The following PSMD3 variants were observed in gnomAD, a reference collection of about 807,000 sequenced individuals.
PSMD3 encodes proteasome 26S subunit, non-ATPase 3.
PSMD3 carries 5 observed loss-of-function variants against 62.8 expected under a neutral mutation model. That is an observed-to-expected ratio of 0.08 (90% CI 0.04 to 0.17). The LOEUF (loss-of-function observed/expected upper bound fraction) is 0.17. PSMD3 is among the 10% of genes least tolerant of loss of function. PSMD3 has a pLI of 1.00. For missense variants in PSMD3, 524 were observed against 713.6 expected, an observed-to-expected ratio of 0.73 and a Z score of 3.03; for synonymous variants, 265 against 283.9, an observed-to-expected ratio of 0.93 and a Z score of 0.67.
intron 2 of PSMD3, among the ~76,000 whole-genome samples, chr17:39,985,465 C>T (rs187699127): frequency 2.6e-5 from 4 of 152,336 alleles, no homozygotes; most frequent in South Asian, 2.1e-4. Context: ...GTGGCGCCTC[C>T]GTGCCAGGAG....
intron 10 of PSMD3, among the ~76,000 whole-genome samples, 192 bp from the exon 11 acceptor site, chr17:39,997,135 CTCT>C (rs1980802990): frequency 6.6e-6 from 1 of 152,276 alleles, no homozygotes; most frequent in Middle Eastern, 3.4e-3. Flanking sequence ...TCGTTTATTC[CTCT>C]TTTTTCAGCA....
chr17:39,984,469 C>T lies in PSMD3; in HGVS notation c.396C>T (p.Leu132=), dbSNP rs746069887. ...ATAATGCCACTCGAGACTTTTTGCT[C>T]CCCTTCCTGGAAGAGGTGAGTGAGT... The part of the protein sequence containing the change: ...TSNNATRDFL[L]PFLEEPMDTE... The change falls in exon 2 of 12, where the codon CTC becomes CTT. Residue 132 remains leucine, a synonymous_variant. Transcript: ENST00000264639. 1.2e-6 allele frequency: 2 copies of T among 1,611,672 alleles called. No homozygotes were observed. The highest frequency in any genetic ancestry group is 1.7e-6 in the Non-Finnish European group (2 of 1,178,720).
At chr17:39,987,995 T>C (rs1980565918) in intron 3 of PSMD3, among the ~76,000 whole-genome samples, 1 of 152,174 alleles carries the variant, frequency 6.6e-6, no homozygotes, top group Non-Finnish European at 1.5e-5. Context: ...TAGACCCAGC[T>C]ACTCAGAAGG....
chr17:39,980,846 T>A lies in PSMD3; in HGVS notation c.-125T>A. 1.1e-6 allele frequency: 1 copy of A among 882,486 alleles called. No homozygotes were observed. Among genetic ancestry groups the A allele is most frequent in the Non-Finnish European group, 1.6e-6 (1 of 610,338 alleles). The allele number at this position is 882,486 out of a possible 1,614,324, so 54.7% of individuals were successfully genotyped here. ...CGGGAAGGGGTTTGCAGCTGCTCCG[T>A]CATCGTGCGGCCCGACGCTATCTCG... On this transcript the variant is annotated 5_prime_UTR_variant, in exon 1 of 12. Coordinates refer to ENST00000264639, the MANE Select transcript of PSMD3 (RefSeq NM_002809.4).
intron 1 of PSMD3, among the ~76,000 whole-genome samples, chr17:39,982,359 G>A (rs1490470456): frequency 6.6e-6 from 1 of 152,214 alleles, no homozygotes; most frequent in African/African-American, 2.4e-5. Flanking sequence ...TGTATGAGAA[G>A]TTAAAAGCAG....
chr17:39,992,023 T>TAAAAAAAAAAAAAAAAAAAAAAAAA (rs1474506610), intron 6 of PSMD3, among the ~76,000 whole-genome samples: 1 of 66,640 alleles, frequency 1.5e-5, no homozygotes, highest in Non-Finnish European at 3.8e-5. Context: ...AGACTCTGTC[T>TAAAAAAAAAAAAAAAAAAAAAAAAA]CAAAAAAAAA....
At chr17:39,993,657 C>T (rs547506466) in intron 6 of PSMD3, 1 of 152,416 alleles carries the variant, frequency 6.6e-6, no homozygotes, top group African/African-American at 2.4e-5. Context: ...ACTAACATTC[C>T]CAGACACTTC....
Position 39,989,753 on chromosome 17 carries a change from G to A in PSMD3, c.701G>A (p.Arg234Gln), listed in dbSNP as rs760588390. 6.2e-6 allele frequency: 10 copies of A among 1,613,162 alleles called. No homozygotes were observed. Among genetic ancestry groups the A allele is most frequent in the South Asian group, 1.1e-5 (1 of 91,054 alleles). The change falls in exon 5 of 12, where the codon CGG becomes CAG. Residue 234 changes from arginine (R) to glutamine (Q), a missense_variant. By Grantham distance (43) the Arg-to-Gln change is conservative (BLOSUM62 1). Around this residue, in one of 4 missense-constraint regions of PSMD3, gnomAD observed 396 missense variants for 475.8 expected, o/e 0.83. Coordinates refer to ENST00000264639, the MANE Select transcript of PSMD3 (RefSeq NM_002809.4). ...LDVVRSFLHA[R>Q]LRTATLRHDA... Reference sequence around the variant, plus strand: ...CCTTCTTGAAGCTTCTTGCATGCTCGGCTCCGGACAGCTACGCTTCGGCAT... The same window carrying A: ...CCTTCTTGAAGCTTCTTGCATGCTCAGCTCCGGACAGCTACGCTTCGGCAT...
At chr17:39,997,197 A>T in intron 10 of PSMD3, 133 bp from the exon 11 acceptor site, 1 of 785,494 alleles carries the variant, frequency 1.3e-6, no homozygotes, top group Non-Finnish European at 2.2e-6. Flanking sequence ...GCCCCCCACT[A>T]GACTAACTGG....
rs1980585358 is a variant in PSMD3, at chr17:39,988,766, C to T, written c.633C>T (p.Tyr211=). 1 of 1,614,156 alleles carries T rather than the reference C, an allele frequency of 6.2e-7. No homozygotes were observed. The highest frequency in any genetic ancestry group is 2.2e-5 in the East Asian group (1 of 44,888). Residue 211 remains tyrosine (Y), a synonymous_variant, in exon 4 of 12, where the codon TAC becomes TAT. Coordinates refer to ENST00000264639, the MANE Select transcript of PSMD3 (RefSeq NM_002809.4). ...RALDLVAAKC[Y]YYHARVYEFL... The stretch of plus-strand genomic sequence containing the variant: ...TAGACCTTGTAGCCGCAAAGTGTTA[C>T]TATTATCACGCCCGGGTCTATGAGT...
chr17:39,990,172 A>G lies in PSMD3; in HGVS notation c.956A>G (p.His319Arg). The change falls in exon 6 of 12, where the codon CAC becomes CGC. Residue 319 changes from histidine (H) to arginine (R), a missense_variant. This residue lies in a region of PSMD3 where 396 missense variants were observed against 475.8 expected (regional missense o/e 0.83). Coordinates refer to ENST00000264639, the MANE Select transcript of PSMD3 (RefSeq NM_002809.4). ...AACGCCCTTCGCAAGGCCCCTCAGCACACAGCTGTCGGCTTCAAACAGACG... is the reference window on the plus strand; with the variant it reads ...AACGCCCTTCGCAAGGCCCCTCAGCGCACAGCTGTCGGCTTCAAACAGACG... Reference protein sequence around the residue: ...MTNALRKAPQHTAVGFKQTVH... With the variant: ...MTNALRKAPQRTAVGFKQTVH... 6.2e-7 allele frequency: 1 copy of G among 1,613,144 alleles called. No homozygotes were observed.
At position 39,997,750 on chromosome 17, in the gene PSMD3, C is replaced by T. The variant is rs762304216; in HGVS notation, c.*169C>T. On this transcript the variant is annotated 3_prime_UTR_variant, in exon 12 of 12. Transcript: ENST00000264639. ...CACCCTGACCTCCCCCAGGGCTCCTCCCCAGCCGGTGACTTACTGTACAGC... is the reference window on the plus strand; with the variant it reads ...CACCCTGACCTCCCCCAGGGCTCCTTCCCAGCCGGTGACTTACTGTACAGC... The T allele has an allele frequency of 5.3e-6, 4 of 760,726 alleles. No homozygotes were observed. The South Asian group carries it at 6.9e-5, about 13-fold the overall frequency. 47.1% of individuals were successfully genotyped at this position (760,726 alleles called of 1,614,324 possible). A position where few individuals can be genotyped will look rare whatever the true frequency, so the allele number is the denominator to read the frequency against.
At chr17:39,989,521 C>T (rs1980603909) in intron 4 of PSMD3, among the ~76,000 whole-genome samples, 1 of 152,254 alleles carries the variant, frequency 6.6e-6, no homozygotes, top group African/African-American at 2.4e-5. Flanking sequence ...CATTGCCTCC[C>T]CCACTGCACT....
At chr17:39,997,467 G>C in intron 11 of PSMD3, 37 bp from the exon 12 acceptor site, 1 of 1,447,758 alleles carries the variant, frequency 6.9e-7, no homozygotes, top group Non-Finnish European at 9.6e-7. Context: ...GGGCTGAGCT[G>C]CTCTGAAGCT....
chr17:39,986,492 T>G, intron 2 of PSMD3, 83 bp from the exon 3 acceptor site: 15 of 1,514,426 alleles, frequency 9.9e-6, no homozygotes, highest in African/African-American at 2.8e-5. Context: ...ATAAATATGT[T>G]GAAATACATA....
Position 39,986,651 on chromosome 17 carries a change from T to G in PSMD3, c.488T>G (p.Val163Gly). The change falls in exon 3 of 12, where the codon GTG becomes GGG. Residue 163 changes from valine to glycine, a missense_variant. By Grantham distance (109) the Val-to-Gly change is moderately radical (BLOSUM62 -3). This residue lies in a region of PSMD3 where 396 missense variants were observed against 475.8 expected (regional missense o/e 0.83). Coordinates refer to ENST00000264639, the MANE Select transcript of PSMD3 (RefSeq NM_002809.4). ...GCGTCGACACCCCTCCTGCCTGAAG[T>G]GGAAGCCTATCTCCAACTCCTCGTG... is the stretch of plus-strand genomic sequence containing the variant. ...KAASTPLLPE[V>G]EAYLQLLVVI... 1 of 1,614,144 alleles carries G rather than the reference T, an allele frequency of 6.2e-7. No homozygotes were observed.
chr17:39,994,632 C>T lies in PSMD3; in HGVS notation c.982-322C>T. On this transcript the variant is annotated intron_variant, in intron 6 of 11. Transcript: ENST00000264639. ...GCCCTGGTCCCTCGCTGTTGCTGAG[C>T]CACAGCACCCGCCCTTCTGGCCTCA... 3 of 347,386 alleles carry T rather than the reference C, an allele frequency of 8.6e-6. No homozygotes were observed. In the South Asian group the frequency reaches 9.0e-5, roughly 10 times the overall value. The allele number at this position is 347,386 out of a possible 1,614,324, so 21.5% of individuals were successfully genotyped here.
At position 39,996,549 on chromosome 17, in the gene PSMD3, G is replaced by A. The variant is rs1424286200; in HGVS notation, c.1476+211G>A. On this transcript the variant is annotated intron_variant, in intron 10 of 11. Coordinates refer to ENST00000264639, the MANE Select transcript of PSMD3 (RefSeq NM_002809.4). The surrounding 1 kb of genome is among the most constrained non-coding windows in gnomAD (Gnocchi z 5.1). ...GTTGCCCTCTCCTATTGCGTTTAAG[G>A]GATGATGTGGTCACCAGGGAGGACC... Among the ~76,000 whole-genome samples the A allele has an allele frequency of 2.6e-5, 4 of 152,176 alleles. No homozygotes were observed. The highest frequency in any genetic ancestry group is 4.4e-5 in the Non-Finnish European group (3 of 68,030).
In PSMD3 at chr17:39,991,279, C is replaced by T. The variant is rs1037959857; in HGVS notation, c.981+1082C>T. On this transcript the variant is annotated intron_variant, in intron 6 of 11. Coordinates refer to ENST00000264639, the MANE Select transcript of PSMD3 (RefSeq NM_002809.4). ...AAGGGATTCTCCTGCCTCAGCCTCC[C>T]GAGTAACTGGGATTACAGGCGCCTG... Among the ~76,000 whole-genome samples the T allele has an allele frequency of 3.9e-5, 6 of 152,090 alleles. No individual in the cohort carries two copies. The East Asian group carries it at 5.8e-4, about 15-fold the overall frequency.
Sources: allele counts gnomAD v4.1 joint callset (sites outside exome capture counted in the v4.1 genomes callset), GRCh38; gene constraint gnomAD v4.1.1; regional missense constraint gnomAD v4.1.1; non-coding constraint Gnocchi (gnomAD v3.1); transcripts MANE v1.5; gene names NCBI Gene and HGNC (gene_info 2026-07-23, HGNC 2026-07-21).